Variants in XPO5 observed in about 807,000 individuals in gnomAD.
The protein encoded by XPO5 is exportin 5.
A neutral mutation model predicts 160.6 loss-of-function variants in XPO5; 46 were observed. That is an observed-to-expected ratio of 0.29 (90% CI 0.23 to 0.37). The LOEUF is 0.37. Among genes scored for constraint, XPO5 ranks in the 10% least tolerant of loss-of-function variants. The pLI, the probability that XPO5 is intolerant of heterozygous loss-of-function variation, is 1.00. For missense variants in XPO5, 1,090 were observed against 1,463.9 expected, an observed-to-expected ratio of 0.74 and a Z score of 4.17; for synonymous variants, 537 against 519.3, an observed-to-expected ratio of 1.03 and a Z score of -0.46.
intron 31 of XPO5, 48 bp downstream of exon 31, chr6:43,524,423 A>G: frequency 6.3e-7 from 1 of 1,590,316 alleles, no homozygotes; most frequent in Non-Finnish European, 8.6e-7. Flanking sequence ...GCCCATACAC[A>G]TGATTTAAGA....
At chr6:43,564,693 C>T (rs1366806925) in intron 8 of XPO5, among the ~76,000 whole-genome samples, 1 of 152,104 alleles carries the variant, frequency 6.6e-6, no homozygotes, top group Non-Finnish European at 1.5e-5. Context: ...GCCTGGACTT[C>T]CCAGCTCTAG....
chr6:43,526,975 C>A, intron 26 of XPO5: 1 of 529,536 alleles, frequency 1.9e-6, no homozygotes, highest in Non-Finnish European at 3.4e-6. Flanking sequence ...TTACAGAATT[C>A]TCTGAGAGTG....
intron 23 of XPO5, chr6:43,529,623 T>C (rs1793834881): frequency 1.2e-5 from 2 of 168,540 alleles, no homozygotes; most frequent in Non-Finnish European, 2.6e-5. Flanking sequence ...GAATGAAGTG[T>C]TAAAACTGCT....
rs1434078019 is a variant in XPO5, at chr6:43,527,663, A to G, written c.2891T>C (p.Met964Thr). The change falls in exon 26 of 32, where the codon ATG (methionine) becomes ACG (threonine). Residue 964 changes from methionine (M) to threonine (T), a missense_variant. Transcript: ENST00000265351. ...QEMLEEQLVR[M>T]LTREVMDLIT... ...TAGGTCCATGACTTCTCGGGTTAAC[A>G]TCCTCACCAGTTGCTCCTCCAGCAT... The G allele has an allele frequency of 6.2e-7, 1 of 1,613,818 alleles. No individual in the cohort carries two copies. The highest frequency in any genetic ancestry group is 1.3e-5 in the African/African-American group (1 of 74,888).
At chr6:43,525,406 G>A (rs377748198) in intron 28 of XPO5, 192 bp from the exon 29 acceptor site, 44 of 596,364 alleles carry the variant, frequency 7.4e-5, no homozygotes, top group East Asian at 6.0e-4. Context: ...CCGAATAGCT[G>A]GGACTACAGG....
At position 43,525,918 on chromosome 6, in the gene XPO5, TC is replaced by T; in HGVS notation, c.2986del (p.Glu996LysfsTer3). 6.2e-7 allele frequency: 1 copy of T among 1,613,970 alleles called. No individual in the cohort carries two copies. The highest frequency in any genetic ancestry group is 8.5e-7 in the Non-Finnish European group (1 of 1,179,866). On this transcript the variant is annotated frameshift_variant and splice_region_variant, in exon 28 of 32. Coordinates refer to ENST00000265351, the MANE Select transcript of XPO5 (RefSeq NM_020750.3). LOFTEE classifies it high-confidence loss of function. ...SSAPPADGDD[E>X]EMMATEVTPS... ...GGTGACCTCTGTGGCCATCATTTCT[TC>T]ATCTGTTATCAGAGAGTAGAATGTT...
chr6:43,554,832 C>T (rs981371489), intron 13 of XPO5: 1 of 152,084 alleles, frequency 6.6e-6, no homozygotes, highest in African/African-American at 2.4e-5. Context: ...TACCAAATAT[C>T]AGAGAATTTA....
intron 1 of XPO5, among the ~76,000 whole-genome samples, chr6:43,573,820 T>TAC (rs1316743110): frequency 1.7e-5 from 2 of 117,922 alleles, no homozygotes; most frequent in African/African-American, 8.2e-5. Context: ...TATATATATA[T>TAC]ATATTTTTTT....
intron 5 of XPO5, 48 bp downstream of exon 5, chr6:43,570,454 A>G: frequency 6.5e-7 from 1 of 1,543,640 alleles, no homozygotes. Context: ...TTAATCAAAA[A>G]CACTCATATT....
At chr6:43,531,693 T>A in intron 21 of XPO5, 118 bp from the exon 22 acceptor site, 1 of 856,192 alleles carries the variant, frequency 1.2e-6, no homozygotes, top group Non-Finnish European at 2.0e-6. Flanking sequence ...TCTGGTGCTG[T>A]ACTGCAAAGC....
intron 4 of XPO5, 30 bp from the exon 5 acceptor site, chr6:43,570,714 A>T: frequency 8.3e-6 from 13 of 1,559,820 alleles, no homozygotes; most frequent in Non-Finnish European, 9.5e-6. Flanking sequence ...CTAGTTAAAA[A>T]CTAAAATATC....
At chr6:43,527,296 G>A (rs936225703) in intron 26 of XPO5, 2 of 208,576 alleles carry the variant, frequency 9.6e-6, no homozygotes, top group African/African-American at 2.3e-5. Context: ...TTTTTGAGAC[G>A]GAGTTTCACT....
At chr6:43,535,051 G>T (rs982609325) in intron 20 of XPO5, among the ~76,000 whole-genome samples, 2 of 151,772 alleles carry the variant, frequency 1.3e-5, no homozygotes, top group African/African-American at 4.8e-5. Flanking sequence ...CCAGCACTTT[G>T]GGAGGCTGAG....
Position 43,531,544 on chromosome 6 carries a change from G to A in XPO5, c.2475C>T (p.Asp825=), listed in dbSNP as rs145537072. The part of the protein sequence containing the change: ...GLPQPLLELN[D]SPVFKTVLER... The stretch of plus-strand genomic sequence containing the variant: ...CCAAGACGGTTTTGAAGACAGGAGA[G>A]TCATTGAGTTCCAAGAGAGGTTGAG... The change falls in exon 22 of 32, where the codon GAC becomes GAT. Residue 825 remains aspartate (D), a synonymous_variant. Transcript: ENST00000265351. 16 of 1,613,964 alleles carry A rather than the reference G, an allele frequency of 9.9e-6. No homozygotes were observed. Among genetic ancestry groups the A allele is most frequent in the Non-Finnish European group, 1.4e-5 (16 of 1,179,870 alleles).
At chr6:43,549,666 G>A (rs1480848608) in intron 16 of XPO5, 88 bp from the exon 17 acceptor site, 4 of 1,438,530 alleles carry the variant, frequency 2.8e-6, no homozygotes, top group African/African-American at 2.9e-5. Flanking sequence ...TCAGTCAGGG[G>A]CAAATTCACA....
intron 6 of XPO5, 66 bp downstream of exon 6, chr6:43,568,644 TA>T: frequency 3.0e-6 from 4 of 1,351,496 alleles, no homozygotes; most frequent in Non-Finnish European, 4.0e-6. Flanking sequence ...CACCATCCAC[TA>T]GGGGCACGTA....
chr6:43,530,583 T>C, intron 23 of XPO5, 105 bp downstream of exon 23: 6 of 1,346,310 alleles, frequency 4.5e-6, no homozygotes, highest in Non-Finnish European at 6.1e-6. Context: ...TAATCTCATC[T>C]CTTCCTTCCA....
chr6:43,559,284 G>A (rs1762277418), intron 11 of XPO5, among the ~76,000 whole-genome samples: 1 of 152,138 alleles, frequency 6.6e-6, no homozygotes, highest in African/African-American at 2.4e-5. Context: ...GTGACAGGGT[G>A]AGACTCCGTC....
At chr6:43,540,428 G>T (rs148093093) in intron 20 of XPO5, among the ~76,000 whole-genome samples, 6 of 152,054 alleles carry the variant, frequency 3.9e-5, no homozygotes, top group African/African-American at 1.4e-4. Context: ...GCAGTGAGCC[G>T]AGATGGCGCC....
Sources: allele counts gnomAD v4.1 joint callset (sites outside exome capture counted in the v4.1 genomes callset), GRCh38; gene constraint gnomAD v4.1.1; transcripts MANE v1.5; gene names NCBI Gene and HGNC (gene_info 2026-07-23, HGNC 2026-07-21).